The following OSBPL10 variants were observed in gnomAD, a reference collection of about 807,000 sequenced individuals.
OSBPL10 encodes oxysterol binding protein like 10.
OSBPL10 carries 49 observed loss-of-function variants against 81.7 expected under a neutral mutation model. The observed-to-expected ratio is 0.60, with a 90% confidence interval of 0.48 to 0.76. The LOEUF (loss-of-function observed/expected upper bound fraction) is 0.76. Ranked by LOEUF, OSBPL10 falls within the 30% of genes least tolerant of loss-of-function variation. The probability of loss-of-function intolerance (pLI) is 0.00; values close to 1 mark genes in which losing one functional copy is unlikely to be tolerated. For synonymous variants in OSBPL10, 419 were observed against 383.6 expected (o/e 1.09, Z -1.08); for missense variants, 923 against 987.8 (o/e 0.93, Z 0.88).
At chr3:31,919,240 A>C (rs1696845141) in intron 1 of OSBPL10, 1 of 152,216 alleles carries the variant, frequency 6.6e-6, no homozygotes, top group Non-Finnish European at 1.5e-5. Flanking sequence ...TATTAATGTA[A>C]ATAAGTCTGA....
intron 4 of OSBPL10, among the ~76,000 whole-genome samples, chr3:31,791,656 T>C (rs878925423): frequency 1.3e-5 from 2 of 152,002 alleles, no homozygotes; most frequent in Non-Finnish European, 2.9e-5. Flanking sequence ...GTTTTTTTTT[T>C]CCACAAAGCT....
intron 2 of OSBPL10, among the ~76,000 whole-genome samples, chr3:32,009,707 C>T (rs954046753): frequency 3.3e-5 from 5 of 152,152 alleles, no homozygotes; most frequent in African/African-American, 7.2e-5. Flanking sequence ...TGGACGGATG[C>T]GAGGTAGTCC....
intron 6 of OSBPL10, chr3:31,714,783 T>C: frequency 6.5e-6 from 1 of 152,868 alleles, no homozygotes; most frequent in Non-Finnish European, 1.5e-5. Context: ...TCTTTGCTGC[T>C]ACCACACCCT....
intron 4 of OSBPL10, among the ~76,000 whole-genome samples, chr3:31,811,097 A>G (rs1699667055): frequency 6.6e-6 from 1 of 150,670 alleles, no homozygotes; most frequent in Admixed American, 6.6e-5. Context: ...AACAGGAAAA[A>G]GGCGCCTTCT....
At chr3:31,755,059 G>C (rs1488930257) in intron 4 of OSBPL10, among the ~76,000 whole-genome samples, 1 of 151,974 alleles carries the variant, frequency 6.6e-6, no homozygotes, top group African/African-American at 2.4e-5. Flanking sequence ...ATTTTGATTT[G>C]CTTGCTTCAT....
intron 3 of OSBPL10, among the ~76,000 whole-genome samples, chr3:31,864,191 C>T (rs757032860): frequency 4.6e-5 from 7 of 152,140 alleles, no homozygotes; most frequent in Non-Finnish European, 1.0e-4. Flanking sequence ...GACCATGCTG[C>T]CTGGGGGGTC....
intron 5 of OSBPL10, among the ~76,000 whole-genome samples, chr3:31,745,011 C>A (rs1211046926): frequency 6.6e-6 from 1 of 152,144 alleles, no homozygotes; most frequent in Non-Finnish European, 1.5e-5. Flanking sequence ...CAGTCCTCAG[C>A]GAGGGTCACT....
chr3:31,812,835 AGAAAGAAAGAAC>A lies in OSBPL10; in HGVS notation c.729+17193_729+17204del, dbSNP rs1205447126. 6.5e-4 allele frequency among the ~76,000 whole-genome samples: 92 copies of A among 141,036 alleles called. 8 individuals are homozygous for A. The highest frequency in any genetic ancestry group is 5.7e-3 in the East Asian group (24 of 4,214). The allele number at this position is 141,036 out of a possible 152,430, so 92.5% of individuals were successfully genotyped here. A position where few individuals can be genotyped will look rare whatever the true frequency, so the allele number is the denominator to read the frequency against. On this transcript the variant is annotated intron_variant, in intron 4 of 11. Coordinates refer to ENST00000396556, the MANE Select transcript of OSBPL10 (RefSeq NM_017784.5). ...GAAAGAAAGAGAAAGAAAGAAAGAA[AGAAAGAAAGAAC>A]GAACTTCTCCAATAACATGTGAGAA...
At chr3:31,827,692 CT>C (rs1193736536) in intron 4 of OSBPL10, among the ~76,000 whole-genome samples, 1 of 151,840 alleles carries the variant, frequency 6.6e-6, no homozygotes, top group Non-Finnish European at 1.5e-5. Context: ...GTATCTACAT[CT>C]GTAATACACA....
chr3:31,760,272 T>C (rs1431288673), intron 4 of OSBPL10, among the ~76,000 whole-genome samples: 1 of 152,108 alleles, frequency 6.6e-6, no homozygotes, highest in Non-Finnish European at 1.5e-5. Context: ...CTCAGTTTAA[T>C]TTGTATTGAG....
At chr3:31,928,144 A>AG (rs2125715419) in intron 1 of OSBPL10, among the ~76,000 whole-genome samples, 1 of 152,340 alleles carries the variant, frequency 6.6e-6, no homozygotes, top group South Asian at 2.1e-4. Context: ...AATACCTTTA[A>AG]GAAAAATAAT....
At chr3:31,995,974 G>A (rs1699087119) in intron 2 of OSBPL10, among the ~76,000 whole-genome samples, 1 of 152,178 alleles carries the variant, frequency 6.6e-6, no homozygotes, top group African/African-American at 2.4e-5. Flanking sequence ...AATGGAGGAT[G>A]AATCCAATCT....
chr3:32,070,409 G>A (rs1317643047), intron 1 of OSBPL10, among the ~76,000 whole-genome samples: 3 of 151,972 alleles, frequency 2.0e-5, no homozygotes, highest in Non-Finnish European at 4.4e-5. Context: ...ATTATTCCTG[G>A]ACTACAGTCA....
intron 7 of OSBPL10, among the ~76,000 whole-genome samples, chr3:31,697,613 T>C (rs1695765689): frequency 6.6e-6 from 1 of 152,176 alleles, no homozygotes; most frequent in Non-Finnish European, 1.5e-5. Context: ...ATTCTAGCTG[T>C]TCAGGCCAAA....
intron 1 of OSBPL10, among the ~76,000 whole-genome samples, chr3:31,953,486 C>T (rs1697926905): frequency 6.6e-6 from 1 of 152,062 alleles, no homozygotes; most frequent in Admixed American, 6.6e-5. Flanking sequence ...CAGCTCACTG[C>T]AGCCTCAGCC....
At chr3:31,684,574 C>T (rs1348707785) in intron 7 of OSBPL10, among the ~76,000 whole-genome samples, 3 of 152,162 alleles carry the variant, frequency 2.0e-5, no homozygotes, top group Non-Finnish European at 2.9e-5. Flanking sequence ...GTTGGTGCCA[C>T]TTCATAGGGG....
chr3:31,859,522 G>A (rs1031021367), intron 3 of OSBPL10, among the ~76,000 whole-genome samples: 3 of 152,228 alleles, frequency 2.0e-5, no homozygotes, highest in African/African-American at 4.8e-5. Flanking sequence ...GTGCCACGCT[G>A]CCTCACGAAA....
intron 4 of OSBPL10, among the ~76,000 whole-genome samples, chr3:31,776,527 C>CA (rs1237319794): frequency 6.6e-6 from 1 of 152,174 alleles, no homozygotes; most frequent in Non-Finnish European, 1.5e-5. Context: ...GCACTATTCA[C>CA]AATAGCCAAA....
intron 4 of OSBPL10, among the ~76,000 whole-genome samples, chr3:31,783,598 C>T (rs1698759847): frequency 6.7e-6 from 1 of 150,250 alleles, no homozygotes; most frequent in Non-Finnish European, 1.5e-5. Flanking sequence ...CAAGACCAGC[C>T]TGGCCAACAT....
Sources: gnomAD v4.1 joint callset for allele counts (sites outside exome capture counted in the v4.1 genomes callset) on GRCh38, gnomAD v4.1.1 for gene constraint, MANE v1.5 for transcripts, NCBI Gene and HGNC (gene_info 2026-07-23, HGNC 2026-07-21) for gene names.